Variants in IPP observed in about 807,000 individuals in gnomAD.
IPP encodes actin-binding protein IPP.
IPP carries 41 observed loss-of-function variants against 64.1 expected under a neutral mutation model. The observed-to-expected ratio is 0.64, with a 90% CI of 0.50 to 0.83. The LOEUF is 0.83. IPP is among the 40% of genes least tolerant of loss of function. The pLI is 0.00. For synonymous variants in IPP, 214 were observed against 235.2 expected (o/e 0.91, Z 0.83); for missense variants, 649 against 703.0 (o/e 0.92, Z 0.87).
Position 45,725,961 on chromosome 1 carries a change from C to T in IPP, c.1048+1670G>A, listed in dbSNP as rs1286860667. On this transcript the variant is annotated intron_variant, in intron 5 of 8. Transcript: ENST00000396478. ...GGGACACAAACACTGCGGAAGGCCG[C>T]AGGGTCCTCTGCCTAGGAAAACCAG... 2.5e-4 allele frequency among the ~76,000 whole-genome samples: 35 copies of T among 138,856 alleles called. 1 individual carries two copies. Among genetic ancestry groups the T allele is most frequent in the Non-Finnish European group, 4.2e-4 (27 of 63,928 alleles). The allele number at this position is 138,856 out of a possible 152,430, so 91.1% of individuals were successfully genotyped here. A position where few individuals can be genotyped will look rare whatever the true frequency, so the allele number is the denominator to read the frequency against.
chr1:45,738,898 T>C (rs1402898208), intron 3 of IPP, among the ~76,000 whole-genome samples: 1 of 150,312 alleles, frequency 6.7e-6, no homozygotes. Context: ...CAAGGCTCTA[T>C]TGACTATGTG....
chr1:45,725,683 G>A (rs2148567294), intron 5 of IPP, among the ~76,000 whole-genome samples: 1 of 140,644 alleles, frequency 7.1e-6, no homozygotes, highest in Non-Finnish European at 1.6e-5. Context: ...GAAATCGGAT[G>A]GTTGCCGGGT....
At chr1:45,739,041 A>AT (rs1190669321) in intron 3 of IPP, among the ~76,000 whole-genome samples, 1 of 152,136 alleles carries the variant, frequency 6.6e-6, no homozygotes, top group Admixed American at 6.5e-5. Flanking sequence ...ACAATCAACT[A>AT]TATCTGTAGT....
intron 5 of IPP, among the ~76,000 whole-genome samples, chr1:45,720,561 G>A (rs1645718567): frequency 1.3e-5 from 2 of 152,110 alleles, no homozygotes; most frequent in South Asian, 4.1e-4. Flanking sequence ...AAAGGGCCTA[G>A]AAGAGCCAAG....
chr1:45,708,134 A>C (rs1306295033), intron 8 of IPP, among the ~76,000 whole-genome samples: 1 of 150,812 alleles, frequency 6.6e-6, no homozygotes, highest in Non-Finnish European at 1.5e-5. Context: ...GCATGATCAC[A>C]GCTCACTGCA....
intron 8 of IPP, among the ~76,000 whole-genome samples, chr1:45,712,548 C>T (rs1475724826): frequency 1.3e-5 from 2 of 151,352 alleles, no homozygotes; most frequent in African/African-American, 4.9e-5. Context: ...CAAGAAATTA[C>T]CAGAAAAATT....
chr1:45,722,253 C>CA (rs1557748115), intron 5 of IPP, among the ~76,000 whole-genome samples: 2 of 151,580 alleles, frequency 1.3e-5, no homozygotes, highest in African/African-American at 2.4e-5. Flanking sequence ...GACTCCGTTT[C>CA]AAAAAATAAA....
chr1:45,749,948 G>A (rs1323698804), intron 1 of IPP, among the ~76,000 whole-genome samples: 1 of 152,160 alleles, frequency 6.6e-6, no homozygotes, highest in East Asian at 1.9e-4. Flanking sequence ...GGCTACTTGG[G>A]AGGCTGAGGT....
At chr1:45,706,083 G>A (rs1007239719) in intron 8 of IPP, among the ~76,000 whole-genome samples, 7 of 152,246 alleles carry the variant, frequency 4.6e-5, no homozygotes, top group South Asian at 2.1e-4. Context: ...GTGAGATTCC[G>A]TGGGTACAGG....
intron 3 of IPP, 103 bp downstream of exon 3, chr1:45,740,798 A>G: frequency 6.2e-6 from 4 of 645,350 alleles, no homozygotes; most frequent in Non-Finnish European, 5.2e-6. Flanking sequence ...TCATTCAATA[A>G]ATGTCTGTTA....
chr1:45,741,116 T>C lies in IPP; in HGVS notation c.509A>G (p.His170Arg), dbSNP rs769302134. ...NYIHVHFLEVHSGEEFLALTK... is the reference protein window; with the variant it reads ...NYIHVHFLEVRSGEEFLALTK... ...AAGTGCCAGGAACTCTTCTCCACTA[T>C]GAACCTCCAAGAAATGGACATGAAT... Residue 170 changes from histidine (H) to arginine (R), a missense_variant, in exon 3 of 9, where the codon CAT (histidine) becomes CGT (arginine). By Grantham distance (29) the His-to-Arg change is conservative. Coordinates refer to ENST00000396478, the MANE Select transcript of IPP (RefSeq NM_005897.3). 1.4e-5 allele frequency: 23 copies of C among 1,614,078 alleles called. No individual in the cohort carries two copies. Among genetic ancestry groups the C allele is most frequent in the Non-Finnish European group, 1.7e-5 (20 of 1,180,022 alleles).
chr1:45,721,833 G>A (rs944093942), intron 5 of IPP, among the ~76,000 whole-genome samples: 6 of 152,142 alleles, frequency 3.9e-5, no homozygotes, highest in African/African-American at 9.7e-5. Flanking sequence ...AGGCCAAGGC[G>A]GGCAGATCAC....
At chr1:45,702,363 GATTTGTAACAC>G (rs987383241) in intron 8 of IPP, among the ~76,000 whole-genome samples, 1 of 150,726 alleles carries the variant, frequency 6.6e-6, no homozygotes, top group Admixed American at 6.6e-5. Flanking sequence ...ATCTTTTCTG[GATTTGTAACAC>G]AAATTGTTAG....
chr1:45,732,577 G>GT (rs1407873745), intron 3 of IPP, among the ~76,000 whole-genome samples: 2 of 152,028 alleles, frequency 1.3e-5, no homozygotes, highest in African/African-American at 4.8e-5. Flanking sequence ...AAAAAATACT[G>GT]TAACATTAGA....
chr1:45,730,763 C>T (rs572517892), intron 3 of IPP, among the ~76,000 whole-genome samples: 1 of 152,326 alleles, frequency 6.6e-6, no homozygotes, highest in Non-Finnish European at 1.5e-5. Context: ...CTAATCTTTT[C>T]TCTGTATCCC....
intron 3 of IPP, among the ~76,000 whole-genome samples, chr1:45,731,589 G>A (rs776337136): frequency 4.6e-5 from 7 of 152,154 alleles, no homozygotes; most frequent in Non-Finnish European, 7.4e-5. Flanking sequence ...GAGTTGACAT[G>A]AACAACAGTT....
In IPP at chr1:45,732,721, C is replaced by A. The variant is rs537182117; in HGVS notation, c.725-2952G>T. Among the ~76,000 whole-genome samples the A allele has an allele frequency of 5.7e-4, 86 of 152,112 alleles. No homozygotes were observed. The South Asian group carries it at 0.011, about 20-fold the overall frequency. ...TAGCTCTGTCGCCCAGGCTGGAGTG[C>A]AGTGGTGCGATCTCAGCTCCCTGAA... is the stretch of plus-strand genomic sequence containing the variant. On this transcript the variant is annotated intron_variant, in intron 3 of 8. Coordinates refer to ENST00000396478, the MANE Select transcript of IPP (RefSeq NM_005897.3).
At chr1:45,702,542 C>T (rs1231558756) in intron 8 of IPP, among the ~76,000 whole-genome samples, 3 of 152,168 alleles carry the variant, frequency 2.0e-5, no homozygotes, top group Non-Finnish European at 2.9e-5. Context: ...GCAACCTCTG[C>T]CTCCTGGGTT....
Position 45,727,735 on chromosome 1 carries a change from C to A in IPP, c.944G>T (p.Arg315Leu), listed in dbSNP as rs756644670. The A allele has an allele frequency of 1.9e-6, 3 of 1,596,322 alleles. No individual in the cohort carries two copies. The highest frequency in any genetic ancestry group is 2.3e-5 in the South Asian group (2 of 88,888). ...SDSRALSCVE[R>L]FDTFSQYWTT... Reference sequence around the variant, plus strand: ...CCAGTACTGGCTAAAGGTGTCAAAACGTTCTACACAGCTGAGGGCTCTGCT... The same window carrying A: ...CCAGTACTGGCTAAAGGTGTCAAAAAGTTCTACACAGCTGAGGGCTCTGCT... Residue 315 changes from arginine to leucine, a missense_variant, in exon 5 of 9, where the codon CGT (arginine) becomes CTT (leucine). Coordinates refer to ENST00000396478, the MANE Select transcript of IPP (RefSeq NM_005897.3).
Sources: allele counts gnomAD v4.1 joint callset (sites outside exome capture counted in the v4.1 genomes callset), GRCh38; gene constraint gnomAD v4.1.1; transcripts MANE v1.5; gene names NCBI Gene and HGNC (gene_info 2026-07-23, HGNC 2026-07-21).